Variants in ABLIM2 observed in about 807,000 individuals in gnomAD.
The protein encoded by ABLIM2 is actin-binding LIM protein 2.
ABLIM2 carries 53 observed loss-of-function variants against 97.7 expected under a neutral mutation model. The ratio of observed to expected loss-of-function variants is 0.54; its 90% CI spans 0.44 to 0.68. ABLIM2 has a LOEUF of 0.68. Among genes scored for constraint, ABLIM2 ranks in the 30% least tolerant of loss-of-function variants. The probability of loss-of-function intolerance (pLI) is 0.00; values close to 1 mark genes in which losing one functional copy is unlikely to be tolerated. For missense variants in ABLIM2, 835 were observed against 867.2 expected (o/e 0.96, Z 0.47); for synonymous variants, 361 against 345.8 (o/e 1.04, Z -0.49).
rs891066866 is a variant in ABLIM2, at chr4:8,112,871, T to G, written c.11-6234A>C. On this transcript the variant is annotated intron_variant, in intron 1 of 20. Coordinates refer to ENST00000447017, the MANE Select transcript of ABLIM2 (RefSeq NM_001130083.2). The surrounding 1 kb of genome is among the most constrained non-coding windows in gnomAD (Gnocchi z 4.2). ...CCACCCCTTCCATCACCTGCTGGGC[T>G]GCAAACCATGTGTTCACTTGTTCAA... Among the ~76,000 whole-genome samples the G allele has an allele frequency of 6.6e-6, 1 of 152,140 alleles. No individual in the cohort carries two copies. The highest frequency in any genetic ancestry group is 6.5e-5 in the Admixed American group (1 of 15,282).
rs1481270870 is a variant in ABLIM2 at position 8,043,114 on chromosome 4, T to C, written c.900+2050A>G. Among the ~76,000 whole-genome samples the C allele has an allele frequency of 6.7e-6, 1 of 150,182 alleles. No homozygotes were observed. Among genetic ancestry groups the C allele is most frequent in the African/African-American group, 2.5e-5 (1 of 40,776 alleles). ...CTGCCATGAGCCATGATCTCACCAC[T>C]GCACTCCAGCCTGGGCGACAGAGCC... On this transcript the variant is annotated intron_variant, in intron 9 of 20. Coordinates refer to ENST00000447017, the MANE Select transcript of ABLIM2 (RefSeq NM_001130083.2). The surrounding 1 kb of genome is among the most constrained non-coding windows in gnomAD (Gnocchi z 4.8).
rs1051084011 is a variant in ABLIM2, at chr4:8,120,076, G to A, written c.11-13439C>T. On this transcript the variant is annotated intron_variant, in intron 1 of 20. Transcript: ENST00000447017. The surrounding 1 kb of genome is among the most constrained non-coding windows in gnomAD (Gnocchi z 5.6). ...TCACAGAGCGACAGGCACAGACGTC[G>A]GGCGGCAGGGTCCCTGGCGGCCCCC... Among the ~76,000 whole-genome samples, 5 of 152,168 alleles carry A rather than the reference G, an allele frequency of 3.3e-5. No individual in the cohort carries two copies. The highest frequency in any genetic ancestry group is 4.1e-4 in the South Asian group (2 of 4,826).
Position 8,072,844 on chromosome 4 carries a change from G to A in ABLIM2, c.675+4784C>T, listed in dbSNP as rs951048493. Among the ~76,000 whole-genome samples, 1 of 152,194 alleles carries A rather than the reference G, an allele frequency of 6.6e-6. No individual in the cohort carries two copies. The highest frequency in any genetic ancestry group is 1.5e-5 in the Non-Finnish European group (1 of 68,042). ...AGGGTCAGGGACAGCACCTGAGTGG[G>A]GAACGCAGGCCCTGCAAGGCCCCTG... is the stretch of plus-strand genomic sequence containing the variant. On this transcript the variant is annotated intron_variant, in intron 6 of 20. Transcript: ENST00000447017. The surrounding 1 kb of genome is among the most constrained non-coding windows in gnomAD (Gnocchi z 5.8).
intron 1 of ABLIM2, among the ~76,000 whole-genome samples, chr4:8,135,747 C>T (rs139333552): frequency 3.0e-4 from 45 of 152,350 alleles, no homozygotes; most frequent in African/African-American, 8.4e-4. Flanking sequence ...ACGCGGGTTC[C>T]GAAGGACTCG....
rs1773400381 is a variant in ABLIM2, at chr4:8,021,117, A to G, written c.1268-814T>C. ...GCAATCTGCCCACCTCTACCTCCCA[A>G]GGTGCTGGGATTACAGGCATGAGCC... On this transcript the variant is annotated intron_variant, in intron 12 of 20. Transcript: ENST00000447017. This position sits in a 1 kb window ranked among gnomAD's most constrained non-coding sequence, Gnocchi z 5.5. Among the ~76,000 whole-genome samples, 1 of 151,990 alleles carries G rather than the reference A, an allele frequency of 6.6e-6. No individual in the cohort carries two copies. The highest frequency in any genetic ancestry group is 1.5e-5 in the Non-Finnish European group (1 of 67,992).
At chr4:8,008,029 C>T (rs746585144) in intron 16 of ABLIM2, 30 bp downstream of exon 16, 34 of 1,612,418 alleles carry the variant, frequency 2.1e-5, no homozygotes, top group Admixed American at 3.3e-5. Flanking sequence ...TTGTGCACAT[C>T]ACGGCTCCTT....
rs1223820111 is a variant in ABLIM2, at chr4:8,033,474, G to A, written c.1047+2675C>T. On this transcript the variant is annotated intron_variant, in intron 10 of 20. Coordinates refer to ENST00000447017, the MANE Select transcript of ABLIM2 (RefSeq NM_001130083.2). This position sits in a 1 kb window ranked among gnomAD's most constrained non-coding sequence, Gnocchi z 4.5. ...AGGGAGAAACCCTCAGGCTGCTCCC[G>A]GCCATCGGCATAGAGGAAGCTCTGT... Among the ~76,000 whole-genome samples the A allele has an allele frequency of 2.0e-5, 3 of 152,210 alleles. No individual in the cohort carries two copies. Among genetic ancestry groups the A allele is most frequent in the South Asian group, 2.1e-4 (1 of 4,834 alleles).
chr4:8,077,783 A>C, intron 5 of ABLIM2, 62 bp from the exon 6 acceptor site: 1 of 1,387,064 alleles, frequency 7.2e-7, no homozygotes, highest in Non-Finnish European at 1.0e-6. Context: ...GAGATCTAAC[A>C]ACCCTCACCA....
chr4:8,113,283 C>T lies in ABLIM2; in HGVS notation c.11-6646G>A, dbSNP rs912273258. Among the ~76,000 whole-genome samples the T allele has an allele frequency of 8.5e-5, 13 of 152,218 alleles. No individual in the cohort carries two copies. The highest frequency in any genetic ancestry group is 1.2e-4 in the African/African-American group (5 of 41,526). On this transcript the variant is annotated intron_variant, in intron 1 of 20. Transcript: ENST00000447017. This position sits in a 1 kb window ranked among gnomAD's most constrained non-coding sequence, Gnocchi z 4.5. ...CTAATTTTTGTATTTTTTGTAGACA[C>T]GGGATGTCGCTATCTTGCTCAGGCT...
intron 6 of ABLIM2, among the ~76,000 whole-genome samples, chr4:8,077,392 AT>A (rs1816897847): frequency 6.6e-6 from 1 of 152,194 alleles, no homozygotes; most frequent in South Asian, 2.1e-4. Flanking sequence ...CATGCTCTGA[AT>A]TTGTCAAGAG....
At chr4:8,000,769 C>T (rs931137717) in intron 16 of ABLIM2, among the ~76,000 whole-genome samples, 9 of 152,100 alleles carry the variant, frequency 5.9e-5, no homozygotes, top group Admixed American at 3.9e-4. Context: ...TGCCTGGGAA[C>T]GGGAGGCACC....
rs73218464 is a variant in ABLIM2, at chr4:8,101,094, T to C, written c.155-3812A>G. The stretch of plus-strand genomic sequence containing the variant: ...CTGTCCACCCGCTGCTATTTTTCTA[T>C]ATTGGTGAGTGGAAGACGGAGATGC... On this transcript the variant is annotated intron_variant, in intron 2 of 20. Coordinates refer to ENST00000447017, the MANE Select transcript of ABLIM2 (RefSeq NM_001130083.2). Among the ~76,000 whole-genome samples the C allele has an allele frequency of 1.3e-3, 191 of 152,334 alleles. 1 individual carries two copies. The highest frequency in any genetic ancestry group is 2.0e-3 in the Admixed American group (31 of 15,302).
chr4:8,057,858 C>T (rs1032141536), intron 7 of ABLIM2, among the ~76,000 whole-genome samples: 8 of 152,200 alleles, frequency 5.3e-5, no homozygotes, highest in African/African-American at 1.4e-4. Context: ...CATGGAGCCC[C>T]GACATCCCTG....
intron 20 of ABLIM2, among the ~76,000 whole-genome samples, chr4:7,981,117 G>A (rs1207307267): frequency 1.3e-5 from 2 of 151,396 alleles, no homozygotes; most frequent in Admixed American, 6.6e-5. Context: ...CTAATTTTTT[G>A]TATTTTTAGT....
At chr4:8,028,434 T>A (rs1778817951) in intron 11 of ABLIM2, among the ~76,000 whole-genome samples, 1 of 151,500 alleles carries the variant, frequency 6.6e-6, no homozygotes, top group African/African-American at 2.4e-5. Context: ...CACTCATTCA[T>A]TCACTCACTT....
At chr4:8,010,476 T>C (rs1764202531) in intron 14 of ABLIM2, 1 of 985,772 alleles carries the variant, frequency 1.0e-6, no homozygotes, top group Admixed American at 6.1e-5. Flanking sequence ...TGCCGTACCC[T>C]GCCTCCTGCA....
intron 20 of ABLIM2, among the ~76,000 whole-genome samples, chr4:7,971,845 AC>A (rs1476569486): frequency 2.0e-5 from 3 of 151,708 alleles, no homozygotes; most frequent in South Asian, 4.2e-4. Context: ...AGTCACAGCC[AC>A]CCCTCTGTAC....
At position 8,125,591 on chromosome 4, in the gene ABLIM2, C is replaced by T. The variant is rs1004184598; in HGVS notation, c.11-18954G>A. Among the ~76,000 whole-genome samples the T allele has an allele frequency of 3.3e-5, 5 of 152,296 alleles. No homozygotes were observed. The highest frequency in any genetic ancestry group is 1.2e-4 in the African/African-American group (5 of 41,582). On this transcript the variant is annotated intron_variant, in intron 1 of 20. Transcript: ENST00000447017. The surrounding 1 kb of genome is among the most constrained non-coding windows in gnomAD (Gnocchi z 6.2). ...TGATGGCCACAGGTTTGCATGGGGC[C>T]TCGGTGCCGGGGCTGCTTCTGGGAT...
At chr4:7,984,173 C>T (rs908250148) in intron 18 of ABLIM2, among the ~76,000 whole-genome samples, 1 of 152,212 alleles carries the variant, frequency 6.6e-6, no homozygotes, top group Non-Finnish European at 1.5e-5. Context: ...AGGGAGACCC[C>T]GTGTCGGGAG....
Sources: gnomAD v4.1 joint callset for allele counts (sites outside exome capture counted in the v4.1 genomes callset) on GRCh38, gnomAD v4.1.1 for gene constraint, Gnocchi (gnomAD v3.1) non-coding constraint, MANE v1.5 for transcripts, NCBI Gene and HGNC (gene_info 2026-07-23, HGNC 2026-07-21) for gene names.